Variants in CCDC7 observed in about 807,000 individuals in gnomAD.
The protein encoded by CCDC7 is coiled-coil domain-containing protein 7.
CCDC7 carries 183 observed loss-of-function variants against 196.9 expected under a neutral mutation model. That is an observed-to-expected ratio of 0.93 (90% CI 0.82 to 1.05). The LOEUF (loss-of-function observed/expected upper bound fraction) is 1.05. Among genes scored for constraint, CCDC7 ranks in the 50% least tolerant of loss-of-function variants. CCDC7 has a pLI of 0.00. For missense variants in CCDC7, 1,540 were observed against 1,482.2 expected (o/e 1.04, Z -0.64); for synonymous variants, 525 against 484.6 (o/e 1.08, Z -1.10).
chr10:32,698,366 G>T (rs1393322855), intron 24 of CCDC7, among the ~76,000 whole-genome samples: 4 of 152,166 alleles, frequency 2.6e-5, no homozygotes, highest in African/African-American at 9.6e-5. Context: ...CGAGTTGAGA[G>T]AAGTAGACTT....
intron 28 of CCDC7, among the ~76,000 whole-genome samples, chr10:32,770,529 C>G (rs555277653): frequency 2.0e-4 from 31 of 152,040 alleles, no homozygotes; most frequent in African/African-American, 7.2e-4. Flanking sequence ...GTTTTGTGGC[C>G]TATTATATGG....
At chr10:32,649,772 CTG>C (rs2068405096) in intron 20 of CCDC7, among the ~76,000 whole-genome samples, 1 of 152,204 alleles carries the variant, frequency 6.6e-6, no homozygotes, top group South Asian at 2.1e-4. Context: ...TCTTCAAACT[CTG>C]AGATTCTTTC....
At chr10:32,778,931 G>GT in intron 28 of CCDC7, 46 bp from the exon 30 acceptor site, 1 of 1,410,882 alleles carries the variant, frequency 7.1e-7, no homozygotes, top group South Asian at 1.2e-5. Context: ...TTCACAAAAT[G>GT]TTAGTTTTTT....
At chr10:32,640,421 G>T (rs574769434) in intron 20 of CCDC7, among the ~76,000 whole-genome samples, 8,571 of 152,126 alleles carry the variant, frequency 0.056, 821 homozygotes, top group African/African-American at 0.2. Flanking sequence ...TGAGATGGGT[G>T]TCCTGAATAC....
chr10:32,496,719 C>A (rs573973978), intron 9 of CCDC7, among the ~76,000 whole-genome samples: 1 of 152,280 alleles, frequency 6.6e-6, no homozygotes, highest in African/African-American at 2.4e-5. Flanking sequence ...GTTGAACCAG[C>A]CTTGCATCCC....
At position 32,507,449 on chromosome 10, in the gene CCDC7, C is replaced by G. The variant is rs1487806199; in HGVS notation, c.873-10496C>G. Among the ~76,000 whole-genome samples, 3 of 152,014 alleles carry G rather than the reference C, an allele frequency of 2.0e-5. No individual in the cohort carries two copies. The East Asian group carries it at 5.8e-4, about 30-fold the overall frequency. On this transcript the variant is annotated intron_variant, in intron 9 of 41. Transcript: ENST00000639629. ...GTAATTATTTATATGTAAGGACTTA[C>G]TATTACCATTTTGTTTTTTGAGTTG...
chr10:32,456,609 T>A (rs975862589), intron 3 of CCDC7, among the ~76,000 whole-genome samples: 1 of 152,178 alleles, frequency 6.6e-6, no homozygotes, highest in African/African-American at 2.4e-5. Context: ...GTGTGAATCT[T>A]AATGAATCTG....
intron 9 of CCDC7, among the ~76,000 whole-genome samples, chr10:32,497,713 T>G (rs1564458617): frequency 6.6e-6 from 1 of 152,214 alleles, no homozygotes; most frequent in East Asian, 1.9e-4. Flanking sequence ...TGAGTAAGTT[T>G]CTTAATCCTG....
At chr10:32,623,452 T>TA (rs532172227) in intron 18 of CCDC7, among the ~76,000 whole-genome samples, 63 of 152,296 alleles carry the variant, frequency 4.1e-4, no homozygotes, top group African/African-American at 1.3e-3. Context: ...CATTTTTATG[T>TA]ATTTCTATTT....
chr10:32,857,647 C>A (rs1241705216), intron 41 of CCDC7, among the ~76,000 whole-genome samples: 1 of 151,816 alleles, frequency 6.6e-6, no homozygotes, highest in Admixed American at 6.6e-5. Flanking sequence ...AAGAGGGAAG[C>A]TTATAGCAAT....
chr10:32,492,754 G>A (rs1268024631), intron 9 of CCDC7, among the ~76,000 whole-genome samples: 1 of 152,014 alleles, frequency 6.6e-6, no homozygotes, highest in Non-Finnish European at 1.5e-5. Flanking sequence ...AAGAGTTCTG[G>A]AGATTGGTTG....
At chr10:32,460,517 G>A (rs1018132190) in intron 3 of CCDC7, among the ~76,000 whole-genome samples, 1 of 152,174 alleles carries the variant, frequency 6.6e-6, no homozygotes, top group African/African-American at 2.4e-5. Context: ...ATACGCTAAA[G>A]TTTCCCATCA....
At chr10:32,633,240 C>T (rs1165420822) in intron 18 of CCDC7, among the ~76,000 whole-genome samples, 1 of 151,890 alleles carries the variant, frequency 6.6e-6, no homozygotes, top group East Asian at 1.9e-4. Flanking sequence ...CACACACATT[C>T]ATACACACAT....
chr10:32,455,210 G>C (rs1280932967), intron 2 of CCDC7, among the ~76,000 whole-genome samples: 1 of 151,496 alleles, frequency 6.6e-6, no homozygotes, highest in Admixed American at 6.6e-5. Context: ...GGATGATTTA[G>C]TTTTTTTTCC....
At chr10:32,828,472 AGGAAG>A (rs1565633735) in intron 32 of CCDC7, among the ~76,000 whole-genome samples, 3 of 77,638 alleles carry the variant, frequency 3.9e-5, no homozygotes, top group Non-Finnish European at 6.1e-5. Context: ...GAAGAGGAAG[AGGAAG>A]AGGAAGAGGA....
chr10:32,492,034 AT>A, intron 9 of CCDC7, 37 bp downstream of exon 10: 3 of 1,488,296 alleles, frequency 2.0e-6, no homozygotes, highest in Admixed American at 2.5e-5. Flanking sequence ...TTATTTTTCT[AT>A]TTTTAAAAAA....
chr10:32,681,587 G>A (rs188658633), intron 21 of CCDC7, among the ~76,000 whole-genome samples: 6 of 152,252 alleles, frequency 3.9e-5, no homozygotes, highest in Non-Finnish European at 8.8e-5. Flanking sequence ...TATGCCTGCA[G>A]TACACAAATC....
intron 21 of CCDC7, 22 bp downstream of exon 22, chr10:32,664,183 A>C: frequency 2.5e-6 from 1 of 394,452 alleles, no homozygotes; most frequent in East Asian, 3.6e-5. Context: ...AATTGTAGAT[A>C]ACCTTAAAAT....
chr10:32,457,813 T>C (rs572174474), intron 3 of CCDC7, among the ~76,000 whole-genome samples: 38 of 152,320 alleles, frequency 2.5e-4, no homozygotes, highest in African/African-American at 8.7e-4. Flanking sequence ...ATATACTTTT[T>C]AGCCATTTGT....
Sources: gnomAD v4.1 joint callset for allele counts (sites outside exome capture counted in the v4.1 genomes callset) on GRCh38, gnomAD v4.1.1 for gene constraint, MANE v1.5 for transcripts, NCBI Gene and HGNC (gene_info 2026-07-23, HGNC 2026-07-21) for gene names.